Variants in NR3C1 observed in about 807,000 individuals in gnomAD.
NR3C1 encodes the protein nuclear receptor subfamily 3 group C member 1, also known as glucocorticoid receptor.
Under a neutral mutation model 74.0 loss-of-function variants are expected in NR3C1, and 14 were observed. The observed-to-expected ratio is 0.19, with a 90% CI of 0.12 to 0.30. NR3C1 has a LOEUF of 0.30. Ranked by LOEUF, NR3C1 falls within the 10% of genes least tolerant of loss-of-function variation. The probability of loss-of-function intolerance (pLI) is 1.00; values close to 1 mark genes in which losing one functional copy is unlikely to be tolerated. For missense variants in NR3C1, 695 were observed against 909.8 expected (o/e 0.76, Z 3.04); for synonymous variants, 308 against 332.5 (o/e 0.93, Z 0.80).
At chr5:143,406,149 T>C (rs1309249588), upstream of NR3C1, among the ~76,000 whole-genome samples, 1 of 151,202 alleles carries the variant, frequency 6.6e-6, no homozygotes, top group Admixed American at 6.6e-5. Flanking sequence ...TATATGTATA[T>C]AATTAAGGGG....
At chr5:143,301,434 A>T (rs1818463645) in intron 4 of NR3C1, among the ~76,000 whole-genome samples, 1 of 152,208 alleles carries the variant, frequency 6.6e-6, no homozygotes, top group African/African-American at 2.4e-5. Context: ...TTTACATTAC[A>T]TAAATTATAA....
At chr5:143,344,866 A>G (rs911693746) in intron 2 of NR3C1, among the ~76,000 whole-genome samples, 9 of 152,090 alleles carry the variant, frequency 5.9e-5, no homozygotes, top group African/African-American at 1.7e-4. Context: ...TGACAGAGTG[A>G]GACTCCATGC....
chr5:143,298,421 C>A (rs1817777879), intron 6 of NR3C1, among the ~76,000 whole-genome samples: 1 of 152,188 alleles, frequency 6.6e-6, no homozygotes, highest in South Asian at 2.1e-4. Context: ...ACTTTACTAA[C>A]CTCAGATATG....
intron 2 of NR3C1, among the ~76,000 whole-genome samples, chr5:143,345,440 C>T (rs1829094545): frequency 6.6e-6 from 1 of 152,182 alleles, no homozygotes. Flanking sequence ...GAACTCCTGA[C>T]CTCCAGTGAC....
chr5:143,392,517 T>C (rs1242713806), intron 2 of NR3C1, among the ~76,000 whole-genome samples: 1 of 152,082 alleles, frequency 6.6e-6, no homozygotes, highest in Non-Finnish European at 1.5e-5. Flanking sequence ...TAAGGTTTCC[T>C]GGTTTTTTTT....
At chr5:143,403,111 A>G in intron 1 of NR3C1, 100 bp downstream of exon 1, 1 of 970,548 alleles carries the variant, frequency 1.0e-6, no homozygotes, top group Non-Finnish European at 1.2e-6. Flanking sequence ...AGGCTAATAA[A>G]AGTTTGTAGG....
At chr5:143,317,540 A>C (rs1822402915) in intron 2 of NR3C1, among the ~76,000 whole-genome samples, 1 of 152,124 alleles carries the variant, frequency 6.6e-6, no homozygotes, top group South Asian at 2.1e-4. Flanking sequence ...TGAATACCTG[A>C]ATGCTGGTGG....
At chr5:143,306,815 A>G (rs567078105) in intron 4 of NR3C1, among the ~76,000 whole-genome samples, 13 of 151,460 alleles carry the variant, frequency 8.6e-5, no homozygotes, top group Non-Finnish European at 1.6e-4. Context: ...ATAAAAGCAT[A>G]TAATTGGTTA....
At chr5:143,412,713 A>G (rs1841334547) in intron 1 of NR3C1, among the ~76,000 whole-genome samples, 1 of 152,172 alleles carries the variant, frequency 6.6e-6, no homozygotes, top group Non-Finnish European at 1.5e-5. Flanking sequence ...ACATTTTTCA[A>G]GAGAAGTTAT....
At chr5:143,325,335 T>C (rs974195382) in intron 2 of NR3C1, among the ~76,000 whole-genome samples, 1 of 152,142 alleles carries the variant, frequency 6.6e-6, no homozygotes, top group Non-Finnish European at 1.5e-5. Context: ...ACCCATCAGA[T>C]CATGTGAGAC....
rs13361442 is a variant in NR3C1, at chr5:143,306,138, T to C, written c.1468+3959A>G. Among the ~76,000 whole-genome samples the C allele has an allele frequency of 4.2e-3, 639 of 152,268 alleles. 2 individuals are homozygous for C. The highest frequency in any genetic ancestry group is 0.015 in the African/African-American group (614 of 41,546). ...ACATTTAGGATCACCATTAAAAATC[T>C]TATCTGTTCTTAAATGCTAGGCCCT... is the stretch of plus-strand genomic sequence containing the variant. On this transcript the variant is annotated intron_variant, in intron 4 of 8. Transcript: ENST00000394464.
chr5:143,279,427 A>G lies in NR3C1; in HGVS notation c.*2462T>C. ...ACATAACATTCTATAAAGGAATGAT[A>G]ATCTACGTTTTAGAAGCTCTTTTTG... is the stretch of plus-strand genomic sequence containing the variant. On this transcript the variant is annotated 3_prime_UTR_variant, in exon 9 of 9. Coordinates refer to ENST00000394464, the MANE Select transcript of NR3C1 (RefSeq NM_000176.3). 1 of 1,513,872 alleles carries G rather than the reference A, an allele frequency of 6.6e-7. No homozygotes were observed. Among genetic ancestry groups the G allele is most frequent in the African/African-American group, 1.4e-5 (1 of 70,634 alleles). The allele number at this position is 1,513,872 out of a possible 1,614,324, so 93.8% of individuals were successfully genotyped here.
intron 7 of NR3C1, among the ~76,000 whole-genome samples, chr5:143,287,725 T>G (rs1390814200): frequency 6.6e-6 from 1 of 152,156 alleles, no homozygotes; most frequent in East Asian, 1.9e-4. Flanking sequence ...ATCAGCATCC[T>G]TCATAAAGAG....
rs760896335 is a variant in NR3C1, at chr5:143,298,652, C to T, written c.1892+16G>A. On this transcript the variant is annotated intron_variant, in intron 6 of 8. Transcript: ENST00000394464. ...TACCCTATGAATACAGGGAAAATGA[C>T]ACACATACAACTTACTCATTAATAA... is the stretch of plus-strand genomic sequence containing the variant. 1.2e-6 allele frequency: 2 copies of T among 1,611,304 alleles called. No individual in the cohort carries two copies. Among genetic ancestry groups the T allele is most frequent in the South Asian group, 1.1e-5 (1 of 90,960 alleles).
intron 2 of NR3C1, among the ~76,000 whole-genome samples, chr5:143,392,739 G>GT (rs1430518576): frequency 6.6e-6 from 1 of 151,452 alleles, no homozygotes; most frequent in African/African-American, 2.4e-5. Flanking sequence ...TCATTATTAG[G>GT]TAAAAAAAAA....
At chr5:143,433,901 T>C (rs1751993985) in intron 1 of NR3C1, 1 of 152,426 alleles carries the variant, frequency 6.6e-6, no homozygotes, top group East Asian at 1.9e-4. Flanking sequence ...CAAAGCCCAG[T>C]CTGCACCTGG....
intron 2 of NR3C1, among the ~76,000 whole-genome samples, chr5:143,369,513 G>A (rs1833878476): frequency 6.6e-6 from 1 of 152,164 alleles, no homozygotes; most frequent in East Asian, 1.9e-4. Flanking sequence ...ATATTACTCA[G>A]CCATAAAAAG....
At chr5:143,294,919 T>A in intron 7 of NR3C1, 1 of 985,336 alleles carries the variant, frequency 1.0e-6, no homozygotes, top group Non-Finnish European at 1.2e-6. Flanking sequence ...AGCTAAAAAG[T>A]AATCTCACAG....
chr5:143,293,679 G>T (rs144500646), intron 7 of NR3C1, among the ~76,000 whole-genome samples: 1 of 152,082 alleles, frequency 6.6e-6, no homozygotes, highest in East Asian at 1.9e-4. Flanking sequence ...TTTTAGTCTA[G>T]CATTTTTGGT....
Sources: gnomAD v4.1 joint callset for allele counts (sites outside exome capture counted in the v4.1 genomes callset) on GRCh38, gnomAD v4.1.1 for gene constraint, MANE v1.5 for transcripts, NCBI Gene and HGNC (gene_info 2026-07-23, HGNC 2026-07-21) for gene names.